DMD: variants seen among roughly 807,000 people sequenced by gnomAD.
The protein encoded by DMD is dystrophin, also known as mutant dystrophin.
A neutral mutation model predicts 330.1 loss-of-function variants in DMD; 63 were observed. The observed-to-expected ratio is 0.19, with a 90% CI of 0.16 to 0.24. The LOEUF (loss-of-function observed/expected upper bound fraction) is 0.24, where lower values mean the gene tolerates loss of function less well. Among genes scored for constraint, DMD ranks in the 10% least tolerant of loss-of-function variants. DMD has a pLI of 1.00. For missense variants in DMD, 3,344 were observed against 2,684.1 expected (o/e 1.25, Z -5.43); for synonymous variants, 1,223 against 959.8 (o/e 1.27, Z -5.07).
At chrX:32,784,665 A>T (rs1013057247) in intron 7 of DMD, among the ~76,000 whole-genome samples, 1 of 111,760 alleles carries the variant, frequency 8.9e-6, no homozygotes, top group Non-Finnish European at 1.9e-5. Flanking sequence ...CAACTAATAA[A>T]ATTAGGGAAG....
intron 1 of DMD, chrX:33,128,089 T>C: frequency 1.7e-6 from 2 of 1,191,858 alleles, no homozygotes; most frequent in Non-Finnish European, 2.3e-6. Context: ...TTCTGAATGC[T>C]TGTGGAATTT....
chrX:31,385,101 T>A (rs1165283722), intron 60 of DMD, among the ~76,000 whole-genome samples: 1 of 112,156 alleles, frequency 8.9e-6, no homozygotes, highest in Non-Finnish European at 1.9e-5. Flanking sequence ...TTCACAAGGT[T>A]TAACGTACAG....
At chrX:32,043,849 A>G (rs934199070) in intron 44 of DMD, among the ~76,000 whole-genome samples, 4 of 112,173 alleles carry the variant, frequency 3.6e-5, no homozygotes, top group Admixed American at 2.8e-4. Flanking sequence ...TTGGAAAGAT[A>G]ATTTTTTTCT....
intron 12 of DMD, among the ~76,000 whole-genome samples, chrX:32,599,859 T>C (rs1469142508): frequency 8.9e-6 from 1 of 111,958 alleles, no homozygotes; most frequent in Non-Finnish European, 1.9e-5. Flanking sequence ...TTCATTACCA[T>C]TATTAGATAC....
At chrX:31,664,393 C>A (rs369202473) in intron 53 of DMD, among the ~76,000 whole-genome samples, 1 of 111,558 alleles carries the variant, frequency 9.0e-6, no homozygotes, top group East Asian at 2.8e-4. Context: ...AAAGCCAATG[C>A]CTATGGAAAG....
intron 52 of DMD, among the ~76,000 whole-genome samples, chrX:31,716,473 C>T (rs757768957): frequency 1.8e-5 from 2 of 111,420 alleles, no homozygotes; most frequent in East Asian, 2.8e-4. Context: ...ATCGCTTGAA[C>T]CCAGGAGGCG....
At chrX:32,005,574 T>C (rs952607911) in intron 44 of DMD, among the ~76,000 whole-genome samples, 48 of 110,686 alleles carry the variant, frequency 4.3e-4, no homozygotes, top group African/African-American at 1.5e-3. Flanking sequence ...AGATGTTCCC[T>C]AACCACTGGG....
chrX:32,276,915 G>C (rs931171741), intron 43 of DMD, among the ~76,000 whole-genome samples: 1 of 108,932 alleles, frequency 9.2e-6, no homozygotes, highest in Non-Finnish European at 1.9e-5. Flanking sequence ...GTGAGATGCT[G>C]TCTCAAGAAA....
chrX:33,268,333 A>G, intron 1 of DMD, among the ~76,000 whole-genome samples: 2 of 111,412 alleles, frequency 1.8e-5, no homozygotes, highest in Admixed American at 1.9e-4. Context: ...ATTGTAACAA[A>G]AATAAAAATT....
intron 29 of DMD, among the ~76,000 whole-genome samples, chrX:32,421,554 G>A (rs979999236): frequency 8.9e-6 from 1 of 111,751 alleles, no homozygotes; most frequent in African/African-American, 3.3e-5. Flanking sequence ...ATAAACACTG[G>A]CAGAATGATG....
chrX:33,137,298 C>T lies in DMD; in HGVS notation c.31+73984G>A, dbSNP rs1372475873. ...ACTATTAGTCTAACAGAATGAGATA[C>T]TGAGAACACATCATCAGAAGCACTT... On this transcript the variant is annotated intron_variant, in intron 1 of 78. Coordinates refer to ENST00000357033, the MANE Select transcript of DMD (RefSeq NM_004006.3). Among the ~76,000 whole-genome samples the T allele has an allele frequency of 5.4e-5, 6 of 111,634 alleles. No individual in the cohort carries two copies. In the Admixed American group the frequency reaches 5.7e-4, roughly 11 times the overall value.
intron 25 of DMD, among the ~76,000 whole-genome samples, chrX:32,456,096 T>C (rs2098356954): frequency 2.3e-5 from 1 of 43,341 alleles, no homozygotes; most frequent in African/African-American, 6.5e-5. Flanking sequence ...AGAGTTTTCA[T>C]AGTATTAATA....
chrX:33,107,928 C>T (rs73453819), intron 1 of DMD, among the ~76,000 whole-genome samples: 8,930 of 110,664 alleles, frequency 0.081, 891 homozygotes, highest in African/African-American at 0.28. Context: ...AGTACCATTT[C>T]TACTGATAGA....
intron 30 of DMD, among the ~76,000 whole-genome samples, chrX:32,390,484 A>G (rs2097993957): frequency 9.0e-6 from 1 of 111,272 alleles, no homozygotes; most frequent in Non-Finnish European, 1.9e-5. Flanking sequence ...TTTTGAGTCA[A>G]TATCAACTAT....
intron 33 of DMD, among the ~76,000 whole-genome samples, chrX:32,385,406 A>G (rs1202470092): frequency 1.8e-5 from 2 of 111,184 alleles, no homozygotes; most frequent in African/African-American, 3.3e-5. Flanking sequence ...CCAGTTCAAA[A>G]TGGACTCAAG....
chrX:31,448,202 T>A (rs898687574), intron 59 of DMD, among the ~76,000 whole-genome samples: 1 of 110,482 alleles, frequency 9.1e-6, no homozygotes, highest in African/African-American at 3.3e-5. Flanking sequence ...AGGACTTCAG[T>A]CAGCTAGAAA....
chrX:32,027,699 T>A (rs1184449477), intron 44 of DMD, among the ~76,000 whole-genome samples: 1 of 112,186 alleles, frequency 8.9e-6, no homozygotes, highest in Admixed American at 9.5e-5. Context: ...TCATTTGAAA[T>A]ACAGAATCAA....
chrX:32,077,929 T>G (rs1184337343), intron 44 of DMD, among the ~76,000 whole-genome samples: 2 of 111,192 alleles, frequency 1.8e-5, no homozygotes, highest in African/African-American at 3.3e-5. Context: ...TATTCTATAT[T>G]GGATGTCCCT....
chrX:31,294,121 T>C (rs2053985102), intron 62 of DMD, among the ~76,000 whole-genome samples: 1 of 112,643 alleles, frequency 8.9e-6, no homozygotes, highest in South Asian at 3.7e-4. Flanking sequence ...TTCCTTTGTG[T>C]TGTTTACCAA....
Sources: allele counts gnomAD v4.1 joint callset (sites outside exome capture counted in the v4.1 genomes callset), GRCh38; gene constraint gnomAD v4.1.1; transcripts MANE v1.5; gene names NCBI Gene and HGNC (gene_info 2026-07-23, HGNC 2026-07-21).